Variants in SYCP2 observed in about 807,000 individuals in gnomAD.
The protein encoded by SYCP2 is synaptonemal complex protein 2.
In SYCP2, 55 loss-of-function variants were observed where a neutral mutation model predicts 211.3. The observed-to-expected ratio is 0.26, with a 90% CI of 0.21 to 0.33. SYCP2 has a LOEUF of 0.33. SYCP2 is among the 10% of genes least tolerant of loss of function. The probability of loss-of-function intolerance (pLI) is 1.00; values close to 1 mark genes in which losing one functional copy is unlikely to be tolerated. For synonymous variants in SYCP2, 570 were observed against 555.2 expected, an observed-to-expected ratio of 1.03 and a Z score of -0.37; for missense variants, 1,731 against 1,752.0, an observed-to-expected ratio of 0.99 and a Z score of 0.21.
At chr20:59,897,254 G>T (rs1250756214) in intron 18 of SYCP2, among the ~76,000 whole-genome samples, 2 of 152,178 alleles carry the variant, frequency 1.3e-5, no homozygotes, top group East Asian at 1.9e-4. Flanking sequence ...TGATACAGTT[G>T]TGAGTGGGTA....
chr20:59,872,197 T>C (rs991041510), intron 35 of SYCP2, among the ~76,000 whole-genome samples: 2 of 152,122 alleles, frequency 1.3e-5, no homozygotes, highest in Non-Finnish European at 2.9e-5. Flanking sequence ...TGCTCAACCA[T>C]GGCCCAAAAA....
intron 35 of SYCP2, 61 bp from the exon 36 acceptor site, chr20:59,870,044 CTTCAAAAAG>C: frequency 9.0e-7 from 1 of 1,117,066 alleles, no homozygotes; most frequent in South Asian, 2.2e-5. Flanking sequence ...AAGCCCCCCA[CTTCAAAAAG>C]AGTTGAACAT....
Position 59,892,304 on chromosome 20 carries a change from T to C in SYCP2, c.2050A>G (p.Lys684Glu), listed in dbSNP as rs1403165739. ...KEQTDHIKID[K>E]AEVEVCKKHN... is the part of the protein sequence containing the mutation. ...TTCTTGCAAACTTCTACTTCTGCTT[T>C]ATCTATTTTGATATGGTCGGTTTGT... The change falls in exon 24 of 45, where the codon AAA becomes GAA. Residue 684 changes from lysine (K) to glutamate (E), a missense_variant. Physicochemically the swap from Lys to Glu is moderately conservative, Grantham distance 56. Transcript: ENST00000357552. The C allele has an allele frequency of 6.2e-7, 1 of 1,612,208 alleles. No homozygotes were observed. The highest frequency in any genetic ancestry group is 1.3e-5 in the African/African-American group (1 of 74,976).
chr20:59,884,671 G>A (rs1310892426), intron 26 of SYCP2, among the ~76,000 whole-genome samples: 2 of 151,968 alleles, frequency 1.3e-5, no homozygotes, highest in East Asian at 3.9e-4. Context: ...TTTTACCAGT[G>A]CTTGCATACA....
intron 42 of SYCP2, 57 bp from the exon 43 acceptor site, chr20:59,865,708 CTATAATATAGTATA>C: frequency 8.2e-7 from 1 of 1,218,682 alleles, no homozygotes; most frequent in African/African-American, 1.6e-5. Flanking sequence ...AATTAGAGTG[CTATAATATAGTATA>C]TATAATTTTA....
At chr20:59,881,168 TCTGACCTCAGTTATAAAATAA>T (rs1221391063) in intron 29 of SYCP2, 145 bp from the exon 30 acceptor site, 1 of 567,056 alleles carries the variant, frequency 1.8e-6, no homozygotes, top group Non-Finnish European at 3.1e-6. Flanking sequence ...ACTTATCCTC[TCTGACCTCAGTTATAAAATAA>T]CTATATTGGA....
intron 32 of SYCP2, 79 bp downstream of exon 32, chr20:59,877,929 T>G (rs1043283413): frequency 3.6e-6 from 4 of 1,103,564 alleles, no homozygotes; most frequent in Non-Finnish European, 5.4e-6. Flanking sequence ...AGGATAAAAT[T>G]ATGAGATGAT....
At chr20:59,882,409 T>G (rs2059702991) in intron 26 of SYCP2, among the ~76,000 whole-genome samples, 1 of 151,980 alleles carries the variant, frequency 6.6e-6, no homozygotes, top group African/African-American at 2.4e-5. Flanking sequence ...CTCAAAAAAC[T>G]AAAAATAGAA....
At chr20:59,896,557 T>A (rs1417355546) in intron 18 of SYCP2, 29 bp from the exon 19 acceptor site, 1 of 1,173,114 alleles carries the variant, frequency 8.5e-7, no homozygotes, top group African/African-American at 1.5e-5. Flanking sequence ...ACAACCACTG[T>A]AAACACAGTC....
intron 38 of SYCP2, 56 bp from the exon 39 acceptor site, chr20:59,867,903 C>T (rs1457864185): frequency 3.7e-6 from 5 of 1,343,216 alleles, no homozygotes; most frequent in African/African-American, 1.5e-5. Context: ...TAAATTTAGC[C>T]TTGTAATTAG....
intron 26 of SYCP2, chr20:59,885,193 G>A (rs528287686): frequency 4.4e-4 from 67 of 152,222 alleles, no homozygotes; most frequent in African/African-American, 1.6e-3. Context: ...AAGTGAGCCA[G>A]TCTATGTTTC....
At chr20:59,926,337 G>A (rs1278785258) in intron 2 of SYCP2, among the ~76,000 whole-genome samples, 1 of 151,952 alleles carries the variant, frequency 6.6e-6, no homozygotes, top group East Asian at 1.9e-4. Flanking sequence ...GGGTCAGTAG[G>A]ATCATACTCC....
intron 24 of SYCP2, among the ~76,000 whole-genome samples, chr20:59,890,076 T>C (rs1023038095): frequency 2.0e-5 from 3 of 152,080 alleles, no homozygotes; most frequent in Non-Finnish European, 4.4e-5. Context: ...TATAAATCAT[T>C]CTACTATAAA....
intron 15 of SYCP2, among the ~76,000 whole-genome samples, chr20:59,903,955 CAGAG>C (rs2060165723): frequency 6.6e-6 from 1 of 152,038 alleles, no homozygotes; most frequent in East Asian, 1.9e-4. Context: ...TTAAAGGTGT[CAGAG>C]AGCTGTACAT....
At chr20:59,899,734 AGAG>A (rs538211617) in intron 18 of SYCP2, among the ~76,000 whole-genome samples, 22 of 152,292 alleles carry the variant, frequency 1.4e-4, no homozygotes, top group African/African-American at 4.6e-4. Flanking sequence ...GATGTGACCT[AGAG>A]GAGGTCCTTC....
At chr20:59,927,423 G>A (rs2060653774) in intron 2 of SYCP2, among the ~76,000 whole-genome samples, 1 of 152,030 alleles carries the variant, frequency 6.6e-6, no homozygotes, top group African/African-American at 2.4e-5. Context: ...AATTTGGAAT[G>A]GGAAGTAAAA....
chr20:59,865,707 G>A, intron 42 of SYCP2, 56 bp from the exon 43 acceptor site: 1 of 1,220,898 alleles, frequency 8.2e-7, no homozygotes, highest in East Asian at 2.5e-5. Flanking sequence ...AAATTAGAGT[G>A]CTATAATATA....
intron 14 of SYCP2, among the ~76,000 whole-genome samples, chr20:59,910,007 G>A (rs746849835): frequency 1.8e-4 from 27 of 152,112 alleles, no homozygotes; most frequent in Non-Finnish European, 3.5e-4. Flanking sequence ...ACCTAAGATG[G>A]GCATAATCTG....
rs546624761 is a variant in SYCP2, at chr20:59,890,098, A to G, written c.2364+1892T>C. 2.9e-3 allele frequency among the ~76,000 whole-genome samples: 439 copies of G among 152,324 alleles called. 5 individuals carry two copies. Among genetic ancestry groups the G allele is most frequent in the African/African-American group, 0.01 (428 of 41,574 alleles). ...CATTCTACTATAAAGACACATGCAC[A>G]TGTATGTTTACTGCGGCACTATTCA... On this transcript the variant is annotated intron_variant, in intron 24 of 44. Transcript: ENST00000357552.
Sources: gnomAD v4.1 joint callset for allele counts (sites outside exome capture counted in the v4.1 genomes callset) on GRCh38, gnomAD v4.1.1 for gene constraint, MANE v1.5 for transcripts, NCBI Gene and HGNC (gene_info 2026-07-23, HGNC 2026-07-21) for gene names.